ARL15: variants seen among roughly 807,000 people sequenced by gnomAD.
ARL15 encodes ARF like GTPase 15.
Under a neutral mutation model 25.2 loss-of-function variants are expected in ARL15, and 19 were observed. The observed-to-expected ratio is 0.75, with a 90% CI of 0.53 to 1.10. The LOEUF (loss-of-function observed/expected upper bound fraction) is 1.10, where lower values mean the gene tolerates loss of function less well. ARL15 is among the 50% of genes least tolerant of loss of function. The pLI is 0.00. For synonymous variants in ARL15, 94 were observed against 86.8 expected, an observed-to-expected ratio of 1.08 and a Z score of -0.46; for missense variants, 220 against 246.0, an observed-to-expected ratio of 0.89 and a Z score of 0.71.
At chr5:54,298,106 C>T (rs1163923896) in intron 1 of ARL15, among the ~76,000 whole-genome samples, 2 of 151,988 alleles carry the variant, frequency 1.3e-5, no homozygotes, top group African/African-American at 4.8e-5. Flanking sequence ...TCTATGTGCC[C>T]TTCCTTCCTT....
chr5:53,953,810 T>G (rs141485209), intron 4 of ARL15, among the ~76,000 whole-genome samples: 1 of 152,294 alleles, frequency 6.6e-6, no homozygotes, highest in East Asian at 1.9e-4. Flanking sequence ...CATCATAATA[T>G]CTATTTGTTG....
At chr5:54,061,655 T>C (rs1751065773) in intron 4 of ARL15, among the ~76,000 whole-genome samples, 1 of 152,152 alleles carries the variant, frequency 6.6e-6, no homozygotes, top group African/African-American at 2.4e-5. Context: ...AACCTCCACC[T>C]AGATTTGAGA....
intron 1 of ARL15, among the ~76,000 whole-genome samples, chr5:54,182,992 T>C (rs867349418): frequency 0.032 from 4,509 of 140,330 alleles, 137 homozygotes; most frequent in Middle Eastern, 0.08. Flanking sequence ...TTTTTGTACA[T>C]TGATTTTGTA....
At chr5:54,285,137 A>G (rs1758153635) in intron 1 of ARL15, among the ~76,000 whole-genome samples, 1 of 152,150 alleles carries the variant, frequency 6.6e-6, no homozygotes, top group Admixed American at 6.6e-5. Context: ...TCATAAATCT[A>G]CATCTAGACT....
intron 4 of ARL15, among the ~76,000 whole-genome samples, chr5:54,007,753 T>C (rs1322386268): frequency 2.0e-5 from 3 of 152,238 alleles, no homozygotes; most frequent in African/African-American, 4.8e-5. Flanking sequence ...TCTTTCCTTA[T>C]AGACCTTCTT....
intron 4 of ARL15, among the ~76,000 whole-genome samples, chr5:54,041,958 G>A (rs1001493058): frequency 1.3e-5 from 2 of 151,302 alleles, no homozygotes; most frequent in African/African-American, 2.4e-5. Context: ...TTTTTTGTTC[G>A]CTTGTTTTCG....
chr5:53,901,398 CTA>C (rs2111939646), intron 4 of ARL15, among the ~76,000 whole-genome samples: 1 of 152,154 alleles, frequency 6.6e-6, no homozygotes, highest in Admixed American at 6.5e-5. Flanking sequence ...GGAGTCCTAC[CTA>C]TATGTCTGTA....
chr5:54,303,044 C>A (rs772599876), intron 1 of ARL15, among the ~76,000 whole-genome samples: 11 of 152,172 alleles, frequency 7.2e-5, no homozygotes, highest in Non-Finnish European at 1.3e-4. Context: ...CCTTCCCTAA[C>A]AAGCTTTCCT....
At chr5:54,240,593 AG>A (rs1379096083) in intron 1 of ARL15, among the ~76,000 whole-genome samples, 2 of 152,140 alleles carry the variant, frequency 1.3e-5, no homozygotes, top group Non-Finnish European at 2.9e-5. Context: ...CATCTAGACT[AG>A]GAAGTTTCTG....
chr5:54,207,842 C>G (rs1755914687), intron 1 of ARL15, among the ~76,000 whole-genome samples: 1 of 152,196 alleles, frequency 6.6e-6, no homozygotes, highest in Admixed American at 6.5e-5. Context: ...TAAAGAAGGA[C>G]TTAAGAGTTC....
At chr5:54,171,625 C>A (rs1754720290) in intron 2 of ARL15, among the ~76,000 whole-genome samples, 159 bp downstream of exon 2, 1 of 152,124 alleles carries the variant, frequency 6.6e-6, no homozygotes, top group Non-Finnish European at 1.5e-5. Flanking sequence ...CTATTAAATT[C>A]ATTTCAAATC....
At chr5:54,185,892 A>G (rs1755222920) in intron 1 of ARL15, among the ~76,000 whole-genome samples, 1 of 152,186 alleles carries the variant, frequency 6.6e-6, no homozygotes, top group African/African-American at 2.4e-5. Flanking sequence ...GCTTATTTTA[A>G]CACCAATTTG....
chr5:54,277,795 A>C (rs574262362), intron 1 of ARL15, among the ~76,000 whole-genome samples: 1 of 152,330 alleles, frequency 6.6e-6, no homozygotes, highest in East Asian at 1.9e-4. Context: ...AGGCCAAAGA[A>C]GAATTTAAAG....
chr5:54,062,271 T>C (rs1751091312), intron 4 of ARL15, among the ~76,000 whole-genome samples: 1 of 152,184 alleles, frequency 6.6e-6, no homozygotes, highest in African/African-American at 2.4e-5. Flanking sequence ...GAGTTAATGC[T>C]GAAATGAGTT....
rs549045255 is a variant in ARL15 at position 53,950,749 on chromosome 5, T to C, written c.463-64036A>G. Among the ~76,000 whole-genome samples the C allele has an allele frequency of 5.9e-5, 9 of 152,336 alleles. No individual in the cohort carries two copies. The South Asian group carries it at 1.9e-3, about 32-fold the overall frequency. ...CCTAAAATGTATTCCCACAGTGAGA[T>C]ACTTGGAACATTTTCCTTCTGGATT... On this transcript the variant is annotated intron_variant, in intron 4 of 4. Transcript: ENST00000504924.
At chr5:54,259,593 G>A (rs1579959070) in intron 1 of ARL15, among the ~76,000 whole-genome samples, 1 of 152,120 alleles carries the variant, frequency 6.6e-6, no homozygotes, top group Admixed American at 6.5e-5. Context: ...TTTCATGGTT[G>A]GGAGGTCATC....
At chr5:54,047,812 C>A (rs551032904) in intron 4 of ARL15, among the ~76,000 whole-genome samples, 1 of 152,288 alleles carries the variant, frequency 6.6e-6, no homozygotes, top group Admixed American at 6.5e-5. Flanking sequence ...AATTCGTTAT[C>A]ACATAACGGA....
chr5:53,992,264 G>A (rs1458637520), intron 4 of ARL15, among the ~76,000 whole-genome samples: 1 of 152,054 alleles, frequency 6.6e-6, no homozygotes, highest in Non-Finnish European at 1.5e-5. Context: ...GTTGACTGTG[G>A]TACCCTTGGG....
chr5:54,037,172 C>G (rs1750193429), intron 4 of ARL15, among the ~76,000 whole-genome samples: 1 of 151,878 alleles, frequency 6.6e-6, no homozygotes. Context: ...AACTTTTACC[C>G]TTGAAAGAAA....
Sources: allele counts gnomAD v4.1 joint callset (sites outside exome capture counted in the v4.1 genomes callset), GRCh38; gene constraint gnomAD v4.1.1; transcripts MANE v1.5; gene names NCBI Gene and HGNC (gene_info 2026-07-23, HGNC 2026-07-21).